TMPRSS12: variants seen among roughly 807,000 people sequenced by gnomAD.
TMPRSS12 encodes transmembrane serine protease 12.
Under a neutral mutation model 26.0 loss-of-function variants are expected in TMPRSS12, and 25 were observed. The ratio of observed to expected loss-of-function variants is 0.96; its 90% CI spans 0.70 to 1.34. The LOEUF is 1.34. Ranked by LOEUF, TMPRSS12 falls within the 40% of genes most tolerant of loss-of-function variation. TMPRSS12 has a pLI of 0.00. For synonymous variants in TMPRSS12, 150 were observed against 161.7 expected, an observed-to-expected ratio of 0.93 and a Z score of 0.55; for missense variants, 441 against 440.1, an observed-to-expected ratio of 1.00 and a Z score of -0.02.
At chr12:50,864,599 A>G (rs934337552) in intron 3 of TMPRSS12, among the ~76,000 whole-genome samples, 1 of 152,226 alleles carries the variant, frequency 6.6e-6, no homozygotes, top group Non-Finnish European at 1.5e-5. Context: ...ATAAAAAAAT[A>G]TGTAAATTGT....
chr12:50,853,220 A>G (rs1961622), intron 2 of TMPRSS12, among the ~76,000 whole-genome samples: 40,021 of 152,124 alleles, frequency 0.26, 5,949 homozygotes, highest in Non-Finnish European at 0.34. Flanking sequence ...CTTCTCTTGA[A>G]TGATTTTCGG....
chr12:50,867,470 G>C (rs1938002481), intron 3 of TMPRSS12, among the ~76,000 whole-genome samples: 2 of 152,166 alleles, frequency 1.3e-5, no homozygotes, highest in Non-Finnish European at 2.9e-5. Context: ...CAAGAAGTCT[G>C]GGATTATGTT....
At chr12:50,855,125 A>G (rs775057819) in intron 2 of TMPRSS12, among the ~76,000 whole-genome samples, 2 of 152,212 alleles carry the variant, frequency 1.3e-5, no homozygotes, top group South Asian at 4.1e-4. Context: ...ACACAGACCA[A>G]TGGAACAGGT....
At chr12:50,871,583 AGATAAATAGCT>A (rs1191819741) in intron 3 of TMPRSS12, among the ~76,000 whole-genome samples, 1 of 152,218 alleles carries the variant, frequency 6.6e-6, no homozygotes, top group East Asian at 1.9e-4. Flanking sequence ...ATACAAACAA[AGATAAATAGCT>A]GGGACTTAAT....
Position 50,887,751 on chromosome 12 carries a change from T to C in TMPRSS12, c.*238T>C, listed in dbSNP as rs891338024. 1.5e-5 allele frequency: 6 copies of C among 388,412 alleles called. No individual in the cohort carries two copies. The highest frequency in any genetic ancestry group is 2.3e-5 in the Non-Finnish European group (5 of 221,706). The allele number at this position is 388,412 out of a possible 1,614,324, so 24.1% of individuals were successfully genotyped here. A position where few individuals can be genotyped will look rare whatever the true frequency, so the allele number is the denominator to read the frequency against. On this transcript the variant is annotated 3_prime_UTR_variant, in exon 5 of 5. Transcript: ENST00000398458. ...CATAATTCTGTATCTGGAATACTCA[T>C]AGAGTTTGTACAAAATATTCAGTTA...
chr12:50,858,988 T>C lies in TMPRSS12; in HGVS notation c.587T>C (p.Val196Ala). The change falls in exon 3 of 5, where the codon GTT becomes GCT. Residue 196 changes from valine to alanine, a missense_variant. By Grantham distance (64) the Val-to-Ala change is moderately conservative (BLOSUM62 0). Transcript: ENST00000398458. ...YIQPICLPFDVFQILDGNTKC... is the reference protein window; with the variant it reads ...YIQPICLPFDAFQILDGNTKC... ...CAGCCTATTTGCCTACCTTTTGATGTTTTCCAAATCCTGGACGGAAACACA... is the reference window on the plus strand; with the variant it reads ...CAGCCTATTTGCCTACCTTTTGATGCTTTCCAAATCCTGGACGGAAACACA... The C allele has an allele frequency of 6.2e-7, 1 of 1,602,288 alleles. No homozygotes were observed. The highest frequency in any genetic ancestry group is 8.5e-7 in the Non-Finnish European group (1 of 1,174,402).
intron 3 of TMPRSS12, among the ~76,000 whole-genome samples, chr12:50,863,608 T>C (rs1937959362): frequency 2.0e-5 from 3 of 152,182 alleles, no homozygotes; most frequent in Admixed American, 2.0e-4. Flanking sequence ...GTATGAACGA[T>C]TGATAGATGC....
intron 2 of TMPRSS12, chr12:50,848,087 A>T (rs2139719612): frequency 6.6e-6 from 1 of 151,808 alleles, no homozygotes; most frequent in South Asian, 2.1e-4. Flanking sequence ...GTTTATGGTG[A>T]TAACTTTATG....
chr12:50,885,520 T>G (rs756761385), intron 4 of TMPRSS12, 132 bp downstream of exon 4: 2 of 1,135,394 alleles, frequency 1.8e-6, no homozygotes, highest in Non-Finnish European at 2.6e-6. Context: ...TTCTCCTTTT[T>G]AACTATTTCA....
chr12:50,861,339 T>G (rs75306143), intron 3 of TMPRSS12, among the ~76,000 whole-genome samples: 10,534 of 152,286 alleles, frequency 0.069, 402 homozygotes, highest in Middle Eastern at 0.12. Flanking sequence ...TGTGGATTAT[T>G]TAGCTAGGAT....
chr12:50,853,923 C>T (rs1937851775), intron 2 of TMPRSS12, among the ~76,000 whole-genome samples: 1 of 152,004 alleles, frequency 6.6e-6, no homozygotes, highest in South Asian at 2.1e-4. Context: ...ACCAGTCCTA[C>T]TAAAACTATT....
At chr12:50,859,934 G>A (rs1472590651) in intron 3 of TMPRSS12, among the ~76,000 whole-genome samples, 2 of 152,134 alleles carry the variant, frequency 1.3e-5, no homozygotes, top group Non-Finnish European at 1.5e-5. Context: ...ATCACTTTAT[G>A]CCATGAGATT....
intron 3 of TMPRSS12, among the ~76,000 whole-genome samples, chr12:50,882,132 G>T (rs1179298856): frequency 7.0e-6 from 1 of 142,962 alleles, no homozygotes; most frequent in East Asian, 2.0e-4. Flanking sequence ...TGAATTCAAA[G>T]TCTAGCTTTT....
chr12:50,881,250 T>G (rs1938161490), intron 3 of TMPRSS12, among the ~76,000 whole-genome samples: 1 of 152,120 alleles, frequency 6.6e-6, no homozygotes, highest in Non-Finnish European at 1.5e-5. Flanking sequence ...CCCAAAGTGC[T>G]GGAATTATAG....
intron 2 of TMPRSS12, among the ~76,000 whole-genome samples, chr12:50,856,399 C>A (rs754516607): frequency 2.0e-5 from 3 of 152,108 alleles, no homozygotes; most frequent in Non-Finnish European, 4.4e-5. Context: ...AATCTCTTTT[C>A]TTTATAAATT....
At chr12:50,855,369 C>A (rs1937865679) in intron 2 of TMPRSS12, among the ~76,000 whole-genome samples, 2 of 151,998 alleles carry the variant, frequency 1.3e-5, no homozygotes, top group South Asian at 2.1e-4. Flanking sequence ...CAAGCAAAAA[C>A]CAGACAACCC....
At chr12:50,884,962 T>A (rs897145661) in intron 3 of TMPRSS12, among the ~76,000 whole-genome samples, 1 of 151,976 alleles carries the variant, frequency 6.6e-6, no homozygotes, top group African/African-American at 2.4e-5. Flanking sequence ...AAGAGTTGCT[T>A]GAACCCAGGA....
rs1465291451 is a variant in TMPRSS12, at chr12:50,885,244, A to T, written c.653-2A>T. On this transcript the variant is annotated splice_acceptor_variant, in intron 3 of 4. Transcript: ENST00000398458. LOFTEE classifies it high-confidence loss of function. ...TAACTTACTGGTATTTTTTGTTAACAGGTAACGCTACAAATATTTTACAAG... is the reference window on the plus strand; with the variant it reads ...TAACTTACTGGTATTTTTTGTTAACTGGTAACGCTACAAATATTTTACAAG... 5.1e-6 allele frequency: 8 copies of T among 1,579,640 alleles called. No homozygotes were observed. In the South Asian group the frequency reaches 7.0e-5, roughly 14 times the overall value.
intron 4 of TMPRSS12, chr12:50,885,787 C>T: frequency 1.0e-5 from 4 of 384,328 alleles, no homozygotes; most frequent in East Asian, 4.4e-5. Context: ...TCCTAGGTAG[C>T]TGGAATTACA....
Sources: allele counts gnomAD v4.1 joint callset (sites outside exome capture counted in the v4.1 genomes callset), GRCh38; gene constraint gnomAD v4.1.1; transcripts MANE v1.5; gene names NCBI Gene and HGNC (gene_info 2026-07-23, HGNC 2026-07-21).